HCN1: variants seen among roughly 807,000 people sequenced by gnomAD.
HCN1 encodes hyperpolarization activated cyclic nucleotide gated potassium channel 1.
A neutral mutation model predicts 78.9 loss-of-function variants in HCN1; 13 were observed. The ratio of observed to expected loss-of-function variants is 0.16; its 90% CI spans 0.11 to 0.26. HCN1 has a LOEUF of 0.26. Among genes scored for constraint, HCN1 ranks in the 10% least tolerant of loss-of-function variants. The pLI is 1.00. For synonymous variants in HCN1, 552 were observed against 455.5 expected (o/e 1.21, Z -2.70); for missense variants, 810 against 1,154.3 (o/e 0.70, Z 4.32).
In HCN1 at chr5:45,696,124, G is replaced by C; in HGVS notation, c.-31C>G. 2 of 1,292,356 alleles carry C rather than the reference G, an allele frequency of 1.5e-6. No individual in the cohort carries two copies. Among genetic ancestry groups the C allele is most frequent in the Non-Finnish European group, 9.9e-7 (1 of 1,007,736 alleles). The allele number at this position is 1,292,356 out of a possible 1,614,324, so 80.1% of individuals were successfully genotyped here. A position where few individuals can be genotyped will look rare whatever the true frequency, so the allele number is the denominator to read the frequency against. ...GAGGACGCGGCCGGCGACGGCGCGG[G>C]CTCCAGACTCGCCGGCCGCCCGGCG... On this transcript the variant is annotated 5_prime_UTR_variant, in exon 1 of 8. Transcript: ENST00000303230.
At chr5:45,375,943 C>G (rs1180490838) in intron 4 of HCN1, among the ~76,000 whole-genome samples, 2 of 113,900 alleles carry the variant, frequency 1.8e-5, no homozygotes, top group East Asian at 4.9e-4. Flanking sequence ...AATATTTTAT[C>G]ACATATATTA....
chr5:45,373,972 C>A (rs1273004905), intron 4 of HCN1, among the ~76,000 whole-genome samples: 1 of 73,264 alleles, frequency 1.4e-5, no homozygotes, highest in Non-Finnish European at 2.8e-5. Context: ...ATATTACATA[C>A]AGTAGATACA....
chr5:45,267,156 G>T lies in HCN1; in HGVS notation c.1716C>A (p.Val572=), dbSNP rs769174129. ...YSLSVDNFNE[V]LEEYPMMRRA... ...TCCTCATCATTGGATATTCCTCCAG[G>T]ACCTCGTTGAAATTGTCCACGGAAA... The change falls in exon 7 of 8, where the codon GTC becomes GTA. Residue 572 remains valine (V), a synonymous_variant. Transcript: ENST00000303230. 2.5e-6 allele frequency: 4 copies of T among 1,613,872 alleles called. No homozygotes were observed. In the Admixed American group the frequency reaches 6.7e-5, roughly 27 times the overall value.
chr5:45,298,011 T>C (rs1458068951), intron 6 of HCN1, among the ~76,000 whole-genome samples: 5 of 152,012 alleles, frequency 3.3e-5, no homozygotes, highest in East Asian at 3.9e-4. Context: ...ATTAGCATCA[T>C]ACTTAATGGT....
At chr5:45,425,156 G>A (rs757972512) in intron 3 of HCN1, among the ~76,000 whole-genome samples, 11 of 152,050 alleles carry the variant, frequency 7.2e-5, no homozygotes, top group East Asian at 1.9e-4. Flanking sequence ...CCCTATTGCC[G>A]GGCATAATAT....
rs536432728 is a variant in HCN1 at position 45,492,075 on chromosome 5, C to T, written c.850-30068G>A. 1.4e-3 allele frequency among the ~76,000 whole-genome samples: 214 copies of T among 152,154 alleles called. 2 individuals carry two copies. Among genetic ancestry groups the T allele is most frequent in the South Asian group, 0.012 (60 of 4,808 alleles). On this transcript the variant is annotated intron_variant, in intron 2 of 7. Coordinates refer to ENST00000303230, the MANE Select transcript of HCN1 (RefSeq NM_021072.4). Reference sequence around the variant, plus strand: ...TGAATTTCTAGGCACCTTTATCATGCTTCACAAGCAGCAGATTAAGCTAAC... The same window carrying T: ...TGAATTTCTAGGCACCTTTATCATGTTTCACAAGCAGCAGATTAAGCTAAC...
At chr5:45,303,105 G>C (rs1745659486) in intron 6 of HCN1, among the ~76,000 whole-genome samples, 1 of 152,134 alleles carries the variant, frequency 6.6e-6, no homozygotes, top group Non-Finnish European at 1.5e-5. Flanking sequence ...GCCTGAAGGT[G>C]ATCCTATACC....
chr5:45,640,122 T>G (rs2112024443), intron 2 of HCN1, among the ~76,000 whole-genome samples: 1 of 152,328 alleles, frequency 6.6e-6, no homozygotes, highest in African/African-American at 2.4e-5. Context: ...TTTGTGCCAC[T>G]ACTTCCCACA....
At chr5:45,577,568 C>G (rs1475793199) in intron 2 of HCN1, among the ~76,000 whole-genome samples, 1 of 151,726 alleles carries the variant, frequency 6.6e-6, no homozygotes, top group Non-Finnish European at 1.5e-5. Flanking sequence ...TTAAATAGTT[C>G]CCAATTTTAC....
intron 2 of HCN1, among the ~76,000 whole-genome samples, chr5:45,495,968 A>G (rs1404638242): frequency 1.3e-5 from 2 of 152,172 alleles, no homozygotes; most frequent in East Asian, 3.9e-4. Flanking sequence ...ATCATGGTGG[A>G]TAAGCTTTTT....
At chr5:45,277,236 C>T (rs911460577) in intron 6 of HCN1, among the ~76,000 whole-genome samples, 2 of 152,090 alleles carry the variant, frequency 1.3e-5, no homozygotes, top group African/African-American at 4.8e-5. Flanking sequence ...AAATCTTTTG[C>T]TTCATAATAC....
At chr5:45,658,260 T>C (rs1481856202) in intron 1 of HCN1, among the ~76,000 whole-genome samples, 2 of 152,136 alleles carry the variant, frequency 1.3e-5, no homozygotes, top group Non-Finnish European at 2.9e-5. Context: ...AAGACTTAAA[T>C]GTTAGACCTA....
At chr5:45,531,049 A>AACAC (rs1392375383) in intron 2 of HCN1, among the ~76,000 whole-genome samples, 14 of 150,212 alleles carry the variant, frequency 9.3e-5, no homozygotes, top group Admixed American at 5.3e-4. Flanking sequence ...AAGAAATGCT[A>AACAC]ACACACATAC....
intron 2 of HCN1, among the ~76,000 whole-genome samples, chr5:45,483,418 C>T (rs1223182563): frequency 1.3e-5 from 2 of 152,030 alleles, no homozygotes; most frequent in Non-Finnish European, 2.9e-5. Context: ...GCGACTTGTA[C>T]ATCTTCTTTT....
intron 2 of HCN1, among the ~76,000 whole-genome samples, chr5:45,464,867 T>A (rs1457239285): frequency 5.3e-5 from 8 of 152,096 alleles, no homozygotes; most frequent in African/African-American, 1.4e-4. Context: ...AGCTCACACA[T>A]CTGTAGATAG....
At chr5:45,528,942 G>T (rs994908340) in intron 2 of HCN1, among the ~76,000 whole-genome samples, 1 of 151,916 alleles carries the variant, frequency 6.6e-6, no homozygotes, top group African/African-American at 2.4e-5. Context: ...TTAGCTTTAT[G>T]GAATTCAAAA....
At chr5:45,313,557 T>C (rs562340668) in intron 5 of HCN1, among the ~76,000 whole-genome samples, 72 of 152,186 alleles carry the variant, frequency 4.7e-4, no homozygotes, top group Non-Finnish European at 8.7e-4. Flanking sequence ...CTTCAGACGA[T>C]AAAACTTCTC....
chr5:45,381,133 G>T (rs1311471829), intron 4 of HCN1, among the ~76,000 whole-genome samples: 3 of 152,138 alleles, frequency 2.0e-5, no homozygotes, highest in African/African-American at 7.2e-5. Context: ...ATTAGCAAGT[G>T]CAATCATGAA....
intron 4 of HCN1, among the ~76,000 whole-genome samples, chr5:45,366,164 T>TTA (rs1747231351): frequency 6.8e-6 from 1 of 146,900 alleles, no homozygotes; most frequent in Non-Finnish European, 1.5e-5. Flanking sequence ...ATTATAGCAT[T>TTA]TGTGTGTGTG....
Sources: allele counts gnomAD v4.1 joint callset (sites outside exome capture counted in the v4.1 genomes callset), GRCh38; gene constraint gnomAD v4.1.1; transcripts MANE v1.5; gene names NCBI Gene and HGNC (gene_info 2026-07-23, HGNC 2026-07-21).